Variants in STIMATE observed in about 807,000 individuals in gnomAD.
STIMATE encodes store-operated calcium entry regulator STIMATE.
Under a neutral mutation model 36.7 loss-of-function variants are expected in STIMATE, and 15 were observed. The observed-to-expected ratio is 0.41, with a 90% CI of 0.27 to 0.63. The LOEUF (loss-of-function observed/expected upper bound fraction) is 0.63, where lower values mean the gene tolerates loss of function less well. STIMATE is among the 20% of genes least tolerant of loss of function. The pLI is 0.32. For missense variants in STIMATE, 305 were observed against 397.3 expected (o/e 0.77, Z 1.98); for synonymous variants, 163 against 162.3 (o/e 1.00, Z -0.03).
chr3:52,892,309 A>C (rs1701796285), intron 1 of STIMATE, among the ~76,000 whole-genome samples: 1 of 152,192 alleles, frequency 6.6e-6, no homozygotes, highest in Non-Finnish European at 1.5e-5. Context: ...TTTTATTCGA[A>C]ATTAATGAAG....
At chr3:52,852,728 A>C (rs1488070016) in intron 2 of STIMATE, 30 bp from the exon 3 acceptor site, 19 of 1,610,474 alleles carry the variant, frequency 1.2e-5, no homozygotes, top group Non-Finnish European at 1.6e-5. Flanking sequence ...ACTGGTTATT[A>C]GCCTGACAGG....
intron 1 of STIMATE, among the ~76,000 whole-genome samples, chr3:52,891,655 G>A (rs1701784109): frequency 6.6e-6 from 1 of 152,118 alleles, no homozygotes; most frequent in South Asian, 2.1e-4. Context: ...TGTGCTGGCT[G>A]GGCTAAAGGT....
chr3:52,878,650 C>T (rs1444626851), intron 1 of STIMATE, among the ~76,000 whole-genome samples: 1 of 152,176 alleles, frequency 6.6e-6, no homozygotes, highest in Non-Finnish European at 1.5e-5. Context: ...CGTGAGCCTA[C>T]CTAAATGCAT....
intron 7 of STIMATE, among the ~76,000 whole-genome samples, chr3:52,841,985 C>T (rs957314972): frequency 6.6e-6 from 1 of 152,238 alleles, no homozygotes; most frequent in Non-Finnish European, 1.5e-5. Context: ...CTCTGTCCTA[C>T]TATCTATTCG....
At chr3:52,894,737 C>A (rs1197430799) in intron 1 of STIMATE, among the ~76,000 whole-genome samples, 1 of 152,130 alleles carries the variant, frequency 6.6e-6, no homozygotes, top group East Asian at 1.9e-4. Context: ...CAGAGCTGGT[C>A]CAACAGGAAA....
chr3:52,859,584 C>T (rs1701178436), intron 1 of STIMATE, among the ~76,000 whole-genome samples: 1 of 119,900 alleles, frequency 8.3e-6, no homozygotes, highest in Admixed American at 1.0e-4. Flanking sequence ...CCCGTAGTCC[C>T]AGCTACTTGG....
chr3:52,842,519 A>C (rs4687667), intron 7 of STIMATE, among the ~76,000 whole-genome samples: 135,548 of 152,270 alleles, frequency 0.89, 62,232 homozygotes, highest in Non-Finnish European at 1. Context: ...AACAAGGCAG[A>C]ACTTCCCTCT....
At chr3:52,883,218 G>A (rs1701638518) in intron 1 of STIMATE, among the ~76,000 whole-genome samples, 1 of 152,166 alleles carries the variant, frequency 6.6e-6, no homozygotes, top group Non-Finnish European at 1.5e-5. Context: ...ACCGGCTATA[G>A]AATCCTAGAT....
chr3:52,885,259 G>C (rs1361397939), intron 1 of STIMATE, among the ~76,000 whole-genome samples: 2 of 151,912 alleles, frequency 1.3e-5, no homozygotes, highest in African/African-American at 2.4e-5. Context: ...TTTTTAAATT[G>C]CATTTTTTTT....
rs575965785 is a variant in STIMATE, at chr3:52,893,350, T to A, written c.160+3941A>T. 4.3e-4 allele frequency among the ~76,000 whole-genome samples: 66 copies of A among 151,996 alleles called. 1 individual carries two copies. In the South Asian group the frequency reaches 0.014, roughly 31 times the overall value. On this transcript the variant is annotated intron_variant, in intron 1 of 7. Transcript: ENST00000355083. ...CAGTAAAGTGTGATGCTGGTCACAA[T>A]TTACCTTCAAATGGCTCAGCCAAAA...
At chr3:52,881,352 T>C (rs1701599337) in intron 1 of STIMATE, among the ~76,000 whole-genome samples, 1 of 152,114 alleles carries the variant, frequency 6.6e-6, no homozygotes, top group African/African-American at 2.4e-5. Flanking sequence ...AAAAAGTAGC[T>C]AACTCCTACT....
intron 1 of STIMATE, among the ~76,000 whole-genome samples, chr3:52,860,885 G>A (rs1160049591): frequency 6.6e-6 from 1 of 152,180 alleles, no homozygotes; most frequent in Non-Finnish European, 1.5e-5. Flanking sequence ...ACAAGGAGGG[G>A]TCTCTGTGTA....
rs529447376 is a variant in STIMATE at position 52,862,595 on chromosome 3, T to C, written c.161-7151A>G. Among the ~76,000 whole-genome samples the C allele has an allele frequency of 3.9e-5, 6 of 152,344 alleles. No individual in the cohort carries two copies. The South Asian group carries it at 1.2e-3, about 32-fold the overall frequency. On this transcript the variant is annotated intron_variant, in intron 1 of 7. Coordinates refer to ENST00000355083, the MANE Select transcript of STIMATE (RefSeq NM_198563.5). ...AGAGTATATTATTTTAGTAGTGTTG[T>C]ATGGTATTTTTTTCAATCTCTCTTC...
intron 7 of STIMATE, among the ~76,000 whole-genome samples, chr3:52,841,031 A>G (rs1578795796): frequency 6.6e-6 from 1 of 152,128 alleles, no homozygotes; most frequent in Non-Finnish European, 1.5e-5. Context: ...TTTACAAGAG[A>G]GTGAGGGGAA....
intron 1 of STIMATE, among the ~76,000 whole-genome samples, chr3:52,866,365 G>A (rs536766523): frequency 3.0e-4 from 46 of 152,338 alleles, no homozygotes; most frequent in Middle Eastern, 3.4e-3. Flanking sequence ...GCTTGCCACC[G>A]TCTACCGCCT....
intron 1 of STIMATE, among the ~76,000 whole-genome samples, chr3:52,861,130 C>A (rs928219711): frequency 2.6e-5 from 4 of 152,232 alleles, no homozygotes; most frequent in Non-Finnish European, 4.4e-5. Context: ...TCCCCACACA[C>A]CCCTGAGGCG....
chr3:52,837,216 A>AG lies in STIMATE; in HGVS notation c.*3277dup, dbSNP rs1469897826. The AG allele has an allele frequency of 1.3e-5, 2 of 153,224 alleles. No individual in the cohort carries two copies. Among genetic ancestry groups the AG allele is most frequent in the Non-Finnish European group, 2.9e-5 (2 of 68,734 alleles). The allele number at this position is 153,224 out of a possible 1,614,324, so 9.5% of individuals were successfully genotyped here. ...GCTGCGAAAAGGCCAGTGAACTGCA[A>AG]GGGCAGAGTGAGCTGCCAGCTGGGC... On this transcript the variant is annotated 3_prime_UTR_variant, in exon 8 of 8. Coordinates refer to ENST00000355083, the MANE Select transcript of STIMATE (RefSeq NM_198563.5).
At position 52,840,563 on chromosome 3, in the gene STIMATE, C is replaced by T. The variant is rs747742476; in HGVS notation, c.816G>A (p.Glu272=). The T allele has an allele frequency of 6.2e-7, 1 of 1,614,054 alleles. No homozygotes were observed. Among genetic ancestry groups the T allele is most frequent in the Non-Finnish European group, 8.5e-7 (1 of 1,180,002 alleles). The change falls in exon 8 of 8, where the codon GAG becomes GAA. Residue 272 remains glutamate, a synonymous_variant. Coordinates refer to ENST00000355083, the MANE Select transcript of STIMATE (RefSeq NM_198563.5). ...TGAGGGGGGTCAGTCTGCGGAGGTC[C>T]TCCTCCACGTCGGACTCCTCCATCT... ...DDEMEESDVE[E]DLRRLTPLKP...
intron 4 of STIMATE, among the ~76,000 whole-genome samples, chr3:52,848,825 G>T (rs1003373676): frequency 6.6e-6 from 1 of 152,234 alleles, no homozygotes; most frequent in Non-Finnish European, 1.5e-5. Flanking sequence ...GGCACAAGCT[G>T]TGTGTTGGAC....
Sources: gnomAD v4.1 joint callset for allele counts (sites outside exome capture counted in the v4.1 genomes callset) on GRCh38, gnomAD v4.1.1 for gene constraint, MANE v1.5 for transcripts, NCBI Gene and HGNC (gene_info 2026-07-23, HGNC 2026-07-21) for gene names.